The following MBOAT1 variants were observed in gnomAD, a reference collection of about 807,000 sequenced individuals.
MBOAT1 encodes membrane-bound glycerophospholipid O-acyltransferase 1.
A neutral mutation model predicts 64.4 loss-of-function variants in MBOAT1; 67 were observed. That is an observed-to-expected ratio of 1.04 (90% confidence interval 0.85 to 1.27). The LOEUF (loss-of-function observed/expected upper bound fraction) is 1.27. MBOAT1 is among the 50% of genes most tolerant of loss of function. The pLI, the probability that MBOAT1 is intolerant of heterozygous loss-of-function variation, is 0.00. For missense variants in MBOAT1, 563 were observed against 604.6 expected (o/e 0.93, Z 0.72); for synonymous variants, 229 against 218.9 (o/e 1.05, Z -0.41).
chr6:20,103,699 T>C (rs1265258835), intron 12 of MBOAT1, among the ~76,000 whole-genome samples: 1 of 152,234 alleles, frequency 6.6e-6, no homozygotes, highest in Admixed American at 6.5e-5. Context: ...ACTGCTGGGA[T>C]TGCAGGCATG....
At chr6:20,197,634 C>A (rs1436206900) in intron 1 of MBOAT1, among the ~76,000 whole-genome samples, 1 of 152,220 alleles carries the variant, frequency 6.6e-6, no homozygotes, top group Non-Finnish European at 1.5e-5. Flanking sequence ...TGGAAGCCCC[C>A]TCCCCTGCTT....
Position 20,177,027 on chromosome 6 carries a change from T to C in MBOAT1, c.100-24258A>G, listed in dbSNP as rs577029078. 7.9e-5 allele frequency among the ~76,000 whole-genome samples: 12 copies of C among 152,356 alleles called. 1 individual carries two copies. In the South Asian group the frequency reaches 2.5e-3, roughly 32 times the overall value. ...CTCCACAATTTACACAGCTATTTCA[T>C]ACATATTAGAAACACTAAACATTTC... is the stretch of plus-strand genomic sequence containing the variant. On this transcript the variant is annotated intron_variant, in intron 1 of 12. Coordinates refer to ENST00000324607, the MANE Select transcript of MBOAT1 (RefSeq NM_001080480.3).
chr6:20,166,835 A>G (rs1461425605), intron 1 of MBOAT1, among the ~76,000 whole-genome samples: 2 of 152,090 alleles, frequency 1.3e-5, no homozygotes, highest in Non-Finnish European at 2.9e-5. Flanking sequence ...GCTACTTGAG[A>G]GGCTGAGGTA....
chr6:20,212,074 G>T, intron 1 of MBOAT1, 62 bp downstream of exon 1: 1 of 1,491,832 alleles, frequency 6.7e-7, no homozygotes, highest in Non-Finnish European at 9.2e-7. Flanking sequence ...TAACACTTTC[G>T]CCCGCCCCGT....
At chr6:20,197,076 C>A (rs1762975778) in intron 1 of MBOAT1, among the ~76,000 whole-genome samples, 1 of 151,812 alleles carries the variant, frequency 6.6e-6, no homozygotes. Context: ...ACTGGGGTAA[C>A]CAGGGTGAGA....
chr6:20,167,399 A>G (rs1762044232), intron 1 of MBOAT1, among the ~76,000 whole-genome samples: 1 of 152,146 alleles, frequency 6.6e-6, no homozygotes, highest in African/African-American at 2.4e-5. Context: ...TGCTCTCCTC[A>G]CCCTTGCCAG....
chr6:20,125,260 A>T (rs535936757), intron 7 of MBOAT1, among the ~76,000 whole-genome samples: 3 of 152,200 alleles, frequency 2.0e-5, no homozygotes, highest in South Asian at 4.2e-4. Context: ...CCGACTTCAT[A>T]AAAAAAAGAC....
In MBOAT1 at chr6:20,208,086, T is replaced by C. The variant is rs139579267; in HGVS notation, c.99+4050A>G. Among the ~76,000 whole-genome samples, 245 of 152,284 alleles carry C rather than the reference T, an allele frequency of 1.6e-3. 1 individual carries two copies. Among genetic ancestry groups the C allele is most frequent in the Non-Finnish European group, 3.2e-3 (219 of 68,022 alleles). The stretch of plus-strand genomic sequence containing the variant: ...GACAAGACTTAGATAAGAAGAGAAC[T>C]GAAGGTTGGGCTTTGCAAGCATGGC... On this transcript the variant is annotated intron_variant, in intron 1 of 12. Transcript: ENST00000324607.
At chr6:20,109,066 GCCT>G (rs1760041818) in intron 12 of MBOAT1, among the ~76,000 whole-genome samples, 1 of 152,154 alleles carries the variant, frequency 6.6e-6, no homozygotes, top group Admixed American at 6.5e-5. Context: ...TGTGGTGCGA[GCCT>G]CCTCCTCCTC....
intron 1 of MBOAT1, among the ~76,000 whole-genome samples, chr6:20,191,503 C>T (rs147327338): frequency 3.0e-3 from 452 of 152,356 alleles, no homozygotes; most frequent in African/African-American, 1.0e-2. Context: ...CCTTCGGCTA[C>T]ACCTCAGTTT....
intron 8 of MBOAT1, among the ~76,000 whole-genome samples, chr6:20,120,240 T>C (rs1337294990): frequency 6.6e-6 from 1 of 152,124 alleles, no homozygotes; most frequent in East Asian, 1.9e-4. Flanking sequence ...ATAAAATGGA[T>C]ATAATAATGG....
intron 4 of MBOAT1, among the ~76,000 whole-genome samples, chr6:20,131,736 C>T (rs1490398229): frequency 6.6e-6 from 1 of 151,924 alleles, no homozygotes; most frequent in Non-Finnish European, 1.5e-5. Context: ...TTTTATTTCC[C>T]TTCGAAATCA....
At chr6:20,130,765 A>C (rs1480332845) in intron 5 of MBOAT1, among the ~76,000 whole-genome samples, 2 of 152,202 alleles carry the variant, frequency 1.3e-5, no homozygotes, top group Admixed American at 6.5e-5. Context: ...AATACTATTT[A>C]ATCTTTCATT....
At chr6:20,114,728 CA>C (rs1182880251) in intron 10 of MBOAT1, among the ~76,000 whole-genome samples, 1 of 151,858 alleles carries the variant, frequency 6.6e-6, no homozygotes, top group East Asian at 1.9e-4. Flanking sequence ...ACTAAAAATA[CA>C]AAAAATTAGC....
chr6:20,200,013 T>C (rs1763075418), intron 1 of MBOAT1, among the ~76,000 whole-genome samples: 1 of 152,244 alleles, frequency 6.6e-6, no homozygotes, highest in African/African-American at 2.4e-5. Context: ...AGTTAACATT[T>C]ATTGTATGGG....
chr6:20,105,304 T>G lies in MBOAT1; in HGVS notation c.1362-2892A>C, dbSNP rs141012607. On this transcript the variant is annotated intron_variant, in intron 12 of 12. Coordinates refer to ENST00000324607, the MANE Select transcript of MBOAT1 (RefSeq NM_001080480.3). ...TAAGGTTTAGTAACCTCTTCTGACATTTCATATTTCTCTACAATTTTAAGG... is the reference window on the plus strand; with the variant it reads ...TAAGGTTTAGTAACCTCTTCTGACAGTTCATATTTCTCTACAATTTTAAGG... 2.0e-5 allele frequency among the ~76,000 whole-genome samples: 3 copies of G among 152,346 alleles called. No homozygotes were observed. In the East Asian group the frequency reaches 5.8e-4, roughly 29 times the overall value.
intron 12 of MBOAT1, among the ~76,000 whole-genome samples, chr6:20,105,152 C>T (rs528074198): frequency 6.6e-6 from 1 of 152,322 alleles, no homozygotes; most frequent in African/African-American, 2.4e-5. Flanking sequence ...AAAATATGCA[C>T]ATCCAAAATA....
rs147314444 is a variant in MBOAT1, at chr6:20,136,120, A to G, written c.420-4921T>C. ...CCCAATTCTTATCAATTATGTCAGCATGAGAAAATAAGCAACTCCAGAAGT... is the reference window on the plus strand; with the variant it reads ...CCCAATTCTTATCAATTATGTCAGCGTGAGAAAATAAGCAACTCCAGAAGT... On this transcript the variant is annotated intron_variant, in intron 4 of 12. Transcript: ENST00000324607. Among the ~76,000 whole-genome samples, 514 of 152,274 alleles carry G rather than the reference A, an allele frequency of 3.4e-3. 1 individual carries two copies. The highest frequency in any genetic ancestry group is 0.012 in the African/African-American group (487 of 41,558).
At chr6:20,207,948 T>C (rs1763310512) in intron 1 of MBOAT1, among the ~76,000 whole-genome samples, 1 of 152,206 alleles carries the variant, frequency 6.6e-6, no homozygotes, top group Admixed American at 6.5e-5. Context: ...GGACCTTGAT[T>C]TTTTTCATCT....
Sources: allele counts gnomAD v4.1 joint callset (sites outside exome capture counted in the v4.1 genomes callset), GRCh38; gene constraint gnomAD v4.1.1; transcripts MANE v1.5; gene names NCBI Gene and HGNC (gene_info 2026-07-23, HGNC 2026-07-21).